PNISR: variants seen among roughly 807,000 people sequenced by gnomAD.
PNISR encodes arginine/serine-rich protein PNISR.
A neutral mutation model predicts 93.4 loss-of-function variants in PNISR; 20 were observed. The ratio of observed to expected loss-of-function variants is 0.21; its 90% confidence interval spans 0.15 to 0.31. PNISR has a LOEUF of 0.31. PNISR is among the 10% of genes least tolerant of loss of function. The probability of loss-of-function intolerance (pLI) is 1.00; values close to 1 mark genes in which losing one functional copy is unlikely to be tolerated. For missense variants in PNISR, 893 were observed against 985.4 expected, an observed-to-expected ratio of 0.91 and a Z score of 1.25; for synonymous variants, 305 against 306.5, an observed-to-expected ratio of 0.99 and a Z score of 0.05.
chr6:99,400,452 T>A lies in PNISR; in HGVS notation c.*88A>T, dbSNP rs749571602. 2 of 1,493,772 alleles carry A rather than the reference T, an allele frequency of 1.3e-6. No individual in the cohort carries two copies. The highest frequency in any genetic ancestry group is 1.8e-6 in the Non-Finnish European group (2 of 1,124,826). The allele number at this position is 1,493,772 out of a possible 1,614,324, so 92.5% of individuals were successfully genotyped here. Reference sequence around the variant, plus strand: ...TTTATCAAGTACCAAACTGAGTTTATTAAAGAGAGAGAGAAAGGACACTTT... The same window carrying A: ...TTTATCAAGTACCAAACTGAGTTTAATAAAGAGAGAGAGAAAGGACACTTT... On this transcript the variant is annotated 3_prime_UTR_variant, in exon 12 of 12. Transcript: ENST00000369239.
intron 6 of PNISR, 89 bp downstream of exon 6, chr6:99,409,084 T>G: frequency 4.7e-6 from 5 of 1,070,786 alleles, no homozygotes; most frequent in Non-Finnish European, 7.0e-6. Flanking sequence ...TCAGAGATAC[T>G]CAAACAATTT....
chr6:99,412,512 T>C, intron 4 of PNISR, 39 bp downstream of exon 4: 2 of 1,414,006 alleles, frequency 1.4e-6, no homozygotes, highest in Non-Finnish European at 1.9e-6. Context: ...CATTCTGTTT[T>C]TTAAAAGTCT....
chr6:99,406,810 G>A (rs2128482643), intron 7 of PNISR, among the ~76,000 whole-genome samples: 1 of 152,166 alleles, frequency 6.6e-6, no homozygotes, highest in Non-Finnish European at 1.5e-5. Flanking sequence ...CCTTTCCTTT[G>A]TCAGAGAAGT....
rs989110622 is a variant in PNISR at position 99,408,359 on chromosome 6, A to G, written c.674-88T>C. 4 of 878,098 alleles carry G rather than the reference A, an allele frequency of 4.6e-6. No homozygotes were observed. The African/African-American group carries it at 6.7e-5, about 15-fold the overall frequency. 54.4% of individuals were successfully genotyped at this position (878,098 alleles called of 1,614,324 possible). A position where few individuals can be genotyped will look rare whatever the true frequency, so the allele number is the denominator to read the frequency against. ...GTAAATTTAAAAAATATCCCATTAAATATCATGCCTTTCTTCAATGCCATC... is the reference window on the plus strand; with the variant it reads ...GTAAATTTAAAAAATATCCCATTAAGTATCATGCCTTTCTTCAATGCCATC... On this transcript the variant is annotated intron_variant, in intron 6 of 11. Coordinates refer to ENST00000369239, the MANE Select transcript of PNISR (RefSeq NM_032870.4).
At chr6:99,418,877 G>A (rs1778095939) in intron 1 of PNISR, among the ~76,000 whole-genome samples, 1 of 152,084 alleles carries the variant, frequency 6.6e-6, no homozygotes, top group South Asian at 2.1e-4. Flanking sequence ...GGCTGGGCAC[G>A]GTGGCTCACG....
intron 1 of PNISR, among the ~76,000 whole-genome samples, chr6:99,423,955 T>G (rs181302721): frequency 2.6e-5 from 4 of 152,266 alleles, no homozygotes; most frequent in Admixed American, 1.3e-4. Flanking sequence ...AGGACAGCAG[T>G]TATTAATATA....
intron 6 of PNISR, 46 bp from the exon 7 acceptor site, chr6:99,408,317 T>C (rs775771385): frequency 8.3e-6 from 11 of 1,332,898 alleles, no homozygotes; most frequent in South Asian, 1.3e-5. Flanking sequence ...AAGTAAAATA[T>C]TTCTACAAAC....
intron 1 of PNISR, among the ~76,000 whole-genome samples, chr6:99,418,425 C>T (rs184303548): frequency 7.3e-5 from 11 of 150,512 alleles, no homozygotes; most frequent in East Asian, 2.0e-4. Flanking sequence ...TGTGAACCAC[C>T]GCACCCAGCT....
chr6:99,409,397 T>C, intron 5 of PNISR, 53 bp from the exon 6 acceptor site: 2 of 1,524,716 alleles, frequency 1.3e-6, no homozygotes, highest in South Asian at 2.3e-5. Flanking sequence ...ATATACTCTC[T>C]GGGACACACG....
intron 7 of PNISR, among the ~76,000 whole-genome samples, chr6:99,407,547 G>C (rs547682270): frequency 6.6e-6 from 1 of 152,212 alleles, no homozygotes; most frequent in South Asian, 2.1e-4. Context: ...AAATGGCCGT[G>C]CAAGACAGAC....
intron 4 of PNISR, among the ~76,000 whole-genome samples, chr6:99,411,353 G>C (rs1238411386): frequency 1.3e-5 from 2 of 152,130 alleles, no homozygotes; most frequent in African/African-American, 4.8e-5. Context: ...CTGTGAGGTA[G>C]GGAGAAATTA....
intron 5 of PNISR, 84 bp from the exon 6 acceptor site, chr6:99,409,428 T>A (rs1159355107): frequency 3.3e-6 from 4 of 1,208,932 alleles, no homozygotes; most frequent in African/African-American, 3.0e-5. Context: ...ACTGGGACAG[T>A]AGAAATCCAT....
At chr6:99,404,032 G>GT in intron 9 of PNISR, 150 bp from the exon 10 acceptor site, 1 of 593,574 alleles carries the variant, frequency 1.7e-6, no homozygotes, top group Non-Finnish European at 3.0e-6. Context: ...TTTTAAACCA[G>GT]TATCATGTCT....
chr6:99,422,885 A>AAC (rs1440982980), intron 1 of PNISR, among the ~76,000 whole-genome samples: 6 of 151,072 alleles, frequency 4.0e-5, no homozygotes, highest in African/African-American at 9.7e-5. Context: ...TCAAAAAAAA[A>AAC]AAAAAAAAAA....
chr6:99,405,591 G>GTC (rs1296008803), intron 8 of PNISR, among the ~76,000 whole-genome samples: 3 of 152,012 alleles, frequency 2.0e-5, no homozygotes, highest in African/African-American at 4.8e-5. Flanking sequence ...CCGAGACAGG[G>GTC]TCTCACTCTG....
intron 3 of PNISR, 34 bp downstream of exon 3, chr6:99,414,538 A>T (rs376447765): frequency 8.8e-7 from 1 of 1,134,198 alleles, no homozygotes; most frequent in East Asian, 2.4e-5. Flanking sequence ...CACATATCCA[A>T]CCCCGCCCTT....
intron 6 of PNISR, 34 bp from the exon 7 acceptor site, chr6:99,408,305 T>C (rs745879390): frequency 7.1e-7 from 1 of 1,413,740 alleles, no homozygotes; most frequent in Admixed American, 2.1e-5. Context: ...CGCAAGTCAG[T>C]TAAGTAAAAT....
At chr6:99,407,450 T>G (rs1460993328) in intron 7 of PNISR, among the ~76,000 whole-genome samples, 3 of 151,682 alleles carry the variant, frequency 2.0e-5, no homozygotes, top group Admixed American at 6.6e-5. Flanking sequence ...TTGGGAAAAA[T>G]AAAAGTAATT....
intron 1 of PNISR, among the ~76,000 whole-genome samples, chr6:99,420,590 A>G (rs900228139): frequency 6.6e-6 from 1 of 152,240 alleles, no homozygotes; most frequent in Non-Finnish European, 1.5e-5. Flanking sequence ...AAAATCTAGA[A>G]AACAGAAGGA....
Sources: allele counts gnomAD v4.1 joint callset (sites outside exome capture counted in the v4.1 genomes callset), GRCh38; gene constraint gnomAD v4.1.1; transcripts MANE v1.5; gene names NCBI Gene and HGNC (gene_info 2026-07-23, HGNC 2026-07-21).